The following VRTN variants were observed in gnomAD, a reference collection of about 807,000 sequenced individuals.
VRTN encodes the protein vertebrae development associated.
Under a neutral mutation model 18.2 loss-of-function variants are expected in VRTN, and 5 were observed. The observed-to-expected ratio is 0.27, with a 90% confidence interval of 0.14 to 0.58. VRTN has a LOEUF of 0.58. Ranked by LOEUF, VRTN falls within the 20% of genes least tolerant of loss-of-function variation. The pLI, the probability that VRTN is intolerant of heterozygous loss-of-function variation, is 0.91. For missense variants in VRTN, 741 were observed against 939.4 expected (o/e 0.79, Z 2.76); for synonymous variants, 381 against 393.7 (o/e 0.97, Z 0.38).
At chr14:74,319,916 A>G (rs867835691) in intron 1 of VRTN, among the ~76,000 whole-genome samples, 3 of 152,306 alleles carry the variant, frequency 2.0e-5, no homozygotes, top group Middle Eastern at 6.8e-3. Flanking sequence ...AACTGGACAA[A>G]TGTGTTGTCC....
At chr14:74,332,900 T>G (rs1302878019) in intron 1 of VRTN, among the ~76,000 whole-genome samples, 1 of 152,150 alleles carries the variant, frequency 6.6e-6, no homozygotes, top group East Asian at 1.9e-4. Flanking sequence ...CAGGAAACTT[T>G]CCTGGGTCTC....
chr14:74,348,822 G>A (rs548136328), intron 1 of VRTN, among the ~76,000 whole-genome samples, 170 bp downstream of exon 1: 3 of 152,076 alleles, frequency 2.0e-5, no homozygotes, highest in South Asian at 4.2e-4. Flanking sequence ...TATGTAGAGG[G>A]AGAGGACGCA....
chr14:74,332,335 GTTTT>G (rs67857502), intron 1 of VRTN, among the ~76,000 whole-genome samples: 2 of 39,540 alleles, frequency 5.1e-5, no homozygotes, highest in East Asian at 8.3e-4. Context: ...CTCCTAATCT[GTTTT>G]TTTTTTTTTT....
Position 74,310,354 on chromosome 14 carries a change from G to A in VRTN, c.-164+7178G>A, listed in dbSNP as rs556375415. On this transcript the variant is annotated intron_variant, in intron 1 of 2. Transcript: ENST00000557177. ...AGAGGTTGCAGTGAGCCGAGATCGCGCCATTGCACTCCAGCCTGGGCAACA... is the reference window on the plus strand; with the variant it reads ...AGAGGTTGCAGTGAGCCGAGATCGCACCATTGCACTCCAGCCTGGGCAACA... 4.2e-5 allele frequency among the ~76,000 whole-genome samples: 6 copies of A among 142,596 alleles called. No individual in the cohort carries two copies. The South Asian group carries it at 1.3e-3, about 32-fold the overall frequency. The allele number at this position is 142,596 out of a possible 152,430, so 93.5% of individuals were successfully genotyped here.
At chr14:74,334,446 A>G (rs780558445) in intron 1 of VRTN, among the ~76,000 whole-genome samples, 32 of 152,016 alleles carry the variant, frequency 2.1e-4, no homozygotes, top group Admixed American at 3.3e-4. Flanking sequence ...GGGAGCATCA[A>G]TTGAGCCTAG....
chr14:74,339,929 G>A (rs2085589620), intron 2 of VRTN, among the ~76,000 whole-genome samples: 1 of 152,130 alleles, frequency 6.6e-6, no homozygotes. Context: ...GTTGTAGAAT[G>A]AATGAGAAGC....
At chr14:74,312,640 G>A (rs1420801773) in intron 1 of VRTN, among the ~76,000 whole-genome samples, 5 of 151,564 alleles carry the variant, frequency 3.3e-5, no homozygotes, top group Admixed American at 1.3e-4. Context: ...TTGTAGAGAC[G>A]GGGTTTCACC....
intron 1 of VRTN, among the ~76,000 whole-genome samples, chr14:74,326,668 C>A (rs1449987135): frequency 3.3e-5 from 5 of 152,068 alleles, no homozygotes; most frequent in South Asian, 2.1e-4. Flanking sequence ...ACAAAAGGCG[C>A]CCTGAGTCTG....
intron 1 of VRTN, among the ~76,000 whole-genome samples, chr14:74,353,103 AC>A (rs1299951309): frequency 2.0e-5 from 3 of 151,926 alleles, no homozygotes; most frequent in Non-Finnish European, 4.4e-5. Context: ...CCATGAGACC[AC>A]CCTGTCGGAC....
intron 1 of VRTN, among the ~76,000 whole-genome samples, chr14:74,306,867 A>G (rs2085356032): frequency 6.6e-6 from 1 of 151,508 alleles, no homozygotes; most frequent in South Asian, 2.1e-4. Flanking sequence ...CAGCCTCCCA[A>G]AGTGTTAGGA....
At position 74,357,621 on chromosome 14, in the gene VRTN, C is replaced by G. The variant is rs74977651; in HGVS notation, c.838C>G (p.Leu280Val). ...TLELLNREPG[L>V]SYSHLCERYS... Reference sequence around the variant, plus strand: ...GGAGCTGCTCAACCGTGAACCTGGCCTCAGCTACTCTCACCTCTGTGAGCG... The same window carrying G: ...GGAGCTGCTCAACCGTGAACCTGGCGTCAGCTACTCTCACCTCTGTGAGCG... Residue 280 changes from leucine to valine, a missense_variant, in exon 2 of 2, where the codon CTC (leucine) becomes GTC (valine). Coordinates refer to ENST00000256362, the MANE Select transcript of VRTN (RefSeq NM_018228.3). This position sits in a 1 kb window ranked among gnomAD's most constrained non-coding sequence, Gnocchi z 7.8. The G allele has an allele frequency of 6.2e-7, 1 of 1,614,040 alleles. No individual in the cohort carries two copies. Among genetic ancestry groups the G allele is most frequent in the Admixed American group, 1.7e-5 (1 of 60,030 alleles).
Position 74,359,043 on chromosome 14 carries a change from G to T in VRTN, c.*151G>T. On this transcript the variant is annotated 3_prime_UTR_variant, in exon 2 of 2. Coordinates refer to ENST00000256362, the MANE Select transcript of VRTN (RefSeq NM_018228.3). ...AAGGGTATATTTGTGTTATTTTCTG[G>T]CTCCAGGACAGAGAATGCCAGAAAT... 7.4e-7 allele frequency: 1 copy of T among 1,358,938 alleles called. No individual in the cohort carries two copies. The highest frequency in any genetic ancestry group is 3.1e-5 in the Admixed American group (1 of 32,734). 84.2% of individuals were successfully genotyped at this position (1,358,938 alleles called of 1,614,324 possible).
chr14:74,314,320 T>C (rs758376871), intron 1 of VRTN, among the ~76,000 whole-genome samples: 20 of 150,584 alleles, frequency 1.3e-4, no homozygotes, highest in Non-Finnish European at 2.5e-4. Context: ...ATTTATCTAA[T>C]CAAAATTGTG....
rs1459790939 is a variant in VRTN at position 74,352,165 on chromosome 14, A to AT, written c.-2+3521dup. ...ACCATGCCCGGCCTCAGTACTTTTA[A>AT]TTTTTTTTATTTATGTTTTATTTTT... is the stretch of plus-strand genomic sequence containing the variant. On this transcript the variant is annotated intron_variant, in intron 1 of 1. Coordinates refer to ENST00000256362, the MANE Select transcript of VRTN (RefSeq NM_018228.3). Among the ~76,000 whole-genome samples the AT allele has an allele frequency of 6.3e-5, 9 of 143,634 alleles. No homozygotes were observed. The South Asian group carries it at 1.8e-3, about 28-fold the overall frequency. 94.2% of individuals were successfully genotyped at this position (143,634 alleles called of 152,430 possible).
chr14:74,303,556 C>T lies in VRTN; in HGVS notation c.-164+380C>T, dbSNP rs115418527. ...ACAAAGAGAGACCCTGTCTCAAAAACAAATAAATAGATGATAATGATCGAT... is the reference window on the plus strand; with the variant it reads ...ACAAAGAGAGACCCTGTCTCAAAAATAAATAAATAGATGATAATGATCGAT... On this transcript the variant is annotated intron_variant, in intron 1 of 2. Coordinates refer to the VRTN transcript ENST00000557177. Among the ~76,000 whole-genome samples, 1,241 of 152,160 alleles carry T rather than the reference C, an allele frequency of 8.2e-3. 10 individuals carry two copies. The highest frequency in any genetic ancestry group is 0.028 in the African/African-American group (1,177 of 41,496).
chr14:74,328,051 G>C (rs2085498768), intron 1 of VRTN, among the ~76,000 whole-genome samples: 2 of 152,072 alleles, frequency 1.3e-5, no homozygotes, highest in Non-Finnish European at 2.9e-5. Flanking sequence ...GGAGGAGATC[G>C]GGGCGAAGGA....
chr14:74,344,336 C>G (rs2085627940), upstream of VRTN, among the ~76,000 whole-genome samples: 2 of 130,108 alleles, frequency 1.5e-5, no homozygotes, highest in Admixed American at 1.8e-4. Context: ...ATTGCTTGAT[C>G]AAGGTCAAGG....
At chr14:74,312,585 G>A (rs772003269) in intron 1 of VRTN, among the ~76,000 whole-genome samples, 2 of 151,790 alleles carry the variant, frequency 1.3e-5, no homozygotes, top group Non-Finnish European at 2.9e-5. Context: ...CGAGTAGCTG[G>A]GACTACAGGC....
chr14:74,345,802 T>C (rs2085640267), upstream of VRTN, among the ~76,000 whole-genome samples: 1 of 150,830 alleles, frequency 6.6e-6, no homozygotes, highest in Non-Finnish European at 1.5e-5. Context: ...CAGGGGCCTG[T>C]AATCCCAGCT....
Sources: gnomAD v4.1 joint callset for allele counts (sites outside exome capture counted in the v4.1 genomes callset) on GRCh38, gnomAD v4.1.1 for gene constraint, Gnocchi (gnomAD v3.1) non-coding constraint, MANE v1.5 for transcripts, NCBI Gene and HGNC (gene_info 2026-07-23, HGNC 2026-07-21) for gene names.